Variants in CFAP20DC observed in about 807,000 individuals in gnomAD.
The protein encoded by CFAP20DC is protein CFAP20DC.
CFAP20DC carries 84 observed loss-of-function variants against 101.7 expected under a neutral mutation model. That is an observed-to-expected ratio of 0.83 (90% CI 0.69 to 0.99). The LOEUF (loss-of-function observed/expected upper bound fraction) is 0.99, where lower values mean the gene tolerates loss of function less well. Ranked by LOEUF, CFAP20DC falls within the 50% of genes least tolerant of loss-of-function variation. The pLI is 0.00. For synonymous variants in CFAP20DC, 359 were observed against 351.2 expected, an observed-to-expected ratio of 1.02 and a Z score of -0.25; for missense variants, 1,007 against 970.3, an observed-to-expected ratio of 1.04 and a Z score of -0.50.
At chr3:59,028,512 A>C (rs2093932019) in intron 4 of CFAP20DC, among the ~76,000 whole-genome samples, 1 of 152,208 alleles carries the variant, frequency 6.6e-6, no homozygotes, top group Non-Finnish European at 1.5e-5. Flanking sequence ...ATTAAAATTC[A>C]AATAAAATAT....
intron 5 of CFAP20DC, among the ~76,000 whole-genome samples, chr3:58,935,414 A>G (rs928832168): frequency 5.9e-5 from 9 of 151,958 alleles, no homozygotes; most frequent in African/African-American, 9.7e-5. Flanking sequence ...ACAGAATTGG[A>G]AAAAACTACT....
rs556941556 is a variant in CFAP20DC, at chr3:58,766,676, C to T, written c.2238-12813G>A. The stretch of plus-strand genomic sequence containing the variant: ...GAGGCTTTCCATAGACTAGTCTCTA[C>T]GTATTTTTCCAACCTCATGTGGTAC... On this transcript the variant is annotated intron_variant, in intron 15 of 16. Transcript: ENST00000482387. Among the ~76,000 whole-genome samples the T allele has an allele frequency of 4.6e-5, 7 of 152,306 alleles. No homozygotes were observed. The South Asian group carries it at 8.3e-4, about 18-fold the overall frequency.
In CFAP20DC at chr3:58,937,669, G is replaced by T; in HGVS notation, c.372C>A (p.Leu124=). 5 of 1,605,904 alleles carry T rather than the reference G, an allele frequency of 3.1e-6. No homozygotes were observed. Among genetic ancestry groups the T allele is most frequent in the Non-Finnish European group, 4.3e-6 (5 of 1,172,642 alleles). The part of the protein sequence containing the change: ...SSTPLHAKIP[L]FMIKRKIWCN... ...TTACAATTTTACGTTTGATCATGAA[G>T]AGTGGAATTTTTGCATGAAGAGGGG... The change falls in exon 5 of 17, where the codon CTC becomes CTA. Residue 124 remains leucine (L), a synonymous_variant. Coordinates refer to ENST00000482387, the MANE Select transcript of CFAP20DC (RefSeq NM_001394063.1).
At chr3:58,819,724 C>T (rs550864756) in intron 14 of CFAP20DC, among the ~76,000 whole-genome samples, 17 of 143,570 alleles carry the variant, frequency 1.2e-4, no homozygotes, top group East Asian at 2.3e-4. Flanking sequence ...CAAGGAGGAA[C>T]GGGTACCATT....
intron 15 of CFAP20DC, among the ~76,000 whole-genome samples, chr3:58,771,511 C>T (rs921622167): frequency 2.0e-5 from 3 of 152,128 alleles, no homozygotes; most frequent in African/African-American, 4.8e-5. Flanking sequence ...ATAAGGGGAT[C>T]GGAACAAGCT....
intron 5 of CFAP20DC, among the ~76,000 whole-genome samples, chr3:58,926,238 C>T (rs776535178): frequency 1.3e-5 from 2 of 151,454 alleles, no homozygotes; most frequent in Non-Finnish European, 2.9e-5. Context: ...TGATGGCAGC[C>T]GCCTATAGTC....
At chr3:58,832,695 C>T (rs2076480209) in intron 13 of CFAP20DC, among the ~76,000 whole-genome samples, 2 of 152,166 alleles carry the variant, frequency 1.3e-5, no homozygotes, top group Non-Finnish European at 2.9e-5. Flanking sequence ...TATATGTCAT[C>T]TGTCAGGTAC....
At chr3:59,038,706 GA>G (rs2094146267) in intron 4 of CFAP20DC, among the ~76,000 whole-genome samples, 1 of 152,060 alleles carries the variant, frequency 6.6e-6, no homozygotes, top group Non-Finnish European at 1.5e-5. Context: ...GGGGTGCCAT[GA>G]ACAAACCCCA....
At chr3:58,811,971 C>A (rs2074677868) in intron 14 of CFAP20DC, among the ~76,000 whole-genome samples, 1 of 152,092 alleles carries the variant, frequency 6.6e-6, no homozygotes, top group Non-Finnish European at 1.5e-5. Flanking sequence ...CCATCACTGG[C>A]CATCAGAGAA....
At chr3:58,981,506 G>A (rs1392342260) in intron 4 of CFAP20DC, among the ~76,000 whole-genome samples, 1 of 152,198 alleles carries the variant, frequency 6.6e-6, no homozygotes, top group African/African-American at 2.4e-5. Flanking sequence ...TACCAAAACA[G>A]AGATATAGAT....
At chr3:58,761,606 C>G (rs951203053) in intron 15 of CFAP20DC, among the ~76,000 whole-genome samples, 1 of 152,130 alleles carries the variant, frequency 6.6e-6, no homozygotes, top group African/African-American at 2.4e-5. Flanking sequence ...TCTTGCTTCT[C>G]TAGTTCTTTT....
rs572952739 is a variant in CFAP20DC, at chr3:58,899,658, G to A, written c.550+14050C>T. Among the ~76,000 whole-genome samples, 63 of 152,282 alleles carry A rather than the reference G, an allele frequency of 4.1e-4. No individual in the cohort carries two copies. The highest frequency in any genetic ancestry group is 9.2e-4 in the Admixed American group (14 of 15,298). On this transcript the variant is annotated intron_variant, in intron 6 of 16. Coordinates refer to ENST00000482387, the MANE Select transcript of CFAP20DC (RefSeq NM_001394063.1). This position sits in a 1 kb window ranked among gnomAD's most constrained non-coding sequence, Gnocchi z 5.0. ...CCTAATCTGCTGGTTGCAAAGATCCGTGGGAGGGGTGTGGTTTCCTGGGCA... is the reference window on the plus strand; with the variant it reads ...CCTAATCTGCTGGTTGCAAAGATCCATGGGAGGGGTGTGGTTTCCTGGGCA...
chr3:58,888,985 ATTG>A (rs780249871), intron 6 of CFAP20DC, among the ~76,000 whole-genome samples: 7 of 144,692 alleles, frequency 4.8e-5, no homozygotes, highest in South Asian at 2.2e-4. Context: ...ACCAGCATCT[ATTG>A]TTTTTTTTTT....
At chr3:58,849,798 G>C (rs1480079785) in intron 12 of CFAP20DC, among the ~76,000 whole-genome samples, 4 of 152,052 alleles carry the variant, frequency 2.6e-5, no homozygotes, top group African/African-American at 9.7e-5. Context: ...CATGGAAAAA[G>C]AAACAACTAA....
intron 4 of CFAP20DC, chr3:59,017,404 G>A (rs2093711207): frequency 6.6e-6 from 1 of 152,090 alleles, no homozygotes; most frequent in South Asian, 2.1e-4. Context: ...AGTTGATGTG[G>A]TGAACAGAAA....
At chr3:58,903,400 C>A (rs1256175668) in intron 6 of CFAP20DC, among the ~76,000 whole-genome samples, 1 of 152,082 alleles carries the variant, frequency 6.6e-6, no homozygotes, top group Admixed American at 6.5e-5. Flanking sequence ...AGACTATTCT[C>A]CTTCTATTAA....
chr3:58,825,913 T>G (rs1253275774), intron 14 of CFAP20DC, among the ~76,000 whole-genome samples: 2 of 152,240 alleles, frequency 1.3e-5, no homozygotes, highest in Non-Finnish European at 2.9e-5. Flanking sequence ...CACTTTTAAA[T>G]GACTAATTTG....
At chr3:58,766,533 C>T (rs537375610) in intron 15 of CFAP20DC, among the ~76,000 whole-genome samples, 12 of 152,288 alleles carry the variant, frequency 7.9e-5, no homozygotes, top group African/African-American at 2.9e-4. Context: ...CTCTGTTCTC[C>T]ACACTATAGC....
chr3:58,873,474 T>C (rs567441351), intron 7 of CFAP20DC, among the ~76,000 whole-genome samples: 1 of 150,182 alleles, frequency 6.7e-6, no homozygotes, highest in East Asian at 2.0e-4. Context: ...AGCAGAAGTC[T>C]GGACCAGCTA....
Sources: gnomAD v4.1 joint callset for allele counts (sites outside exome capture counted in the v4.1 genomes callset) on GRCh38, gnomAD v4.1.1 for gene constraint, Gnocchi (gnomAD v3.1) non-coding constraint, MANE v1.5 for transcripts, NCBI Gene and HGNC (gene_info 2026-07-23, HGNC 2026-07-21) for gene names.